SHISA9: variants seen among roughly 807,000 people sequenced by gnomAD.
The protein encoded by SHISA9 is protein shisa-9.
SHISA9 carries 13 observed loss-of-function variants against 38.0 expected under a neutral mutation model. The observed-to-expected ratio is 0.34, with a 90% CI of 0.22 to 0.54. The LOEUF is 0.54. Among genes scored for constraint, SHISA9 ranks in the 20% least tolerant of loss-of-function variants. The probability of loss-of-function intolerance (pLI) is 0.91; values close to 1 mark genes in which losing one functional copy is unlikely to be tolerated. For missense variants in SHISA9, 538 were observed against 575.8 expected, an observed-to-expected ratio of 0.93 and a Z score of 0.67; for synonymous variants, 275 against 242.0, an observed-to-expected ratio of 1.14 and a Z score of -1.27.
chr16:13,500,454 C>A, the SHISA9 span, among the ~76,000 whole-genome samples: 5 of 152,064 alleles, frequency 3.3e-5, no homozygotes, highest in East Asian at 1.9e-4. Flanking sequence ...GAAGAACCAG[C>A]GTAAAGTTTC....
the SHISA9 span, among the ~76,000 whole-genome samples, chr16:13,271,159 G>T: frequency 2.0e-5 from 3 of 152,158 alleles, no homozygotes; most frequent in Non-Finnish European, 4.4e-5. Flanking sequence ...TCACATTTGG[G>T]CAACTTTGAC....
the SHISA9 span, among the ~76,000 whole-genome samples, chr16:13,344,956 C>T: frequency 6.6e-6 from 1 of 152,038 alleles, no homozygotes; most frequent in Admixed American, 6.6e-5. Context: ...CACTGAGTCT[C>T]CAAGGGCCTG....
At chr16:13,173,414 T>C (rs2050705215) in intron 2 of SHISA9, among the ~76,000 whole-genome samples, 1 of 149,964 alleles carries the variant, frequency 6.7e-6, no homozygotes, top group South Asian at 2.1e-4. Flanking sequence ...ACACACATTT[T>C]CCTAATTGTA....
chr16:12,964,344 A>G (rs142840967), intron 2 of SHISA9, among the ~76,000 whole-genome samples: 1,711 of 152,058 alleles, frequency 0.011, 6 homozygotes, highest in East Asian at 0.029. Context: ...TGTACAAACC[A>G]CAGGGGTGAT....
intron 2 of SHISA9, among the ~76,000 whole-genome samples, chr16:12,981,858 G>T (rs1281353307): frequency 1.3e-5 from 2 of 152,178 alleles, no homozygotes; most frequent in African/African-American, 4.8e-5. Flanking sequence ...AAAAGACTGT[G>T]TGAAGATAAT....
At chr16:13,241,872 G>C (rs894371379), downstream of SHISA9, among the ~76,000 whole-genome samples, 13 of 152,144 alleles carry the variant, frequency 8.5e-5, no homozygotes, top group African/African-American at 3.1e-4. Flanking sequence ...TGCTCTTTCA[G>C]CACTTGGAAA....
chr16:13,203,256 T>G (rs1010058584), intron 2 of SHISA9, 138 bp from the exon 3 acceptor site: 1 of 718,156 alleles, frequency 1.4e-6, no homozygotes, highest in Non-Finnish European at 2.1e-6. Context: ...CCCATGTATC[T>G]GTGAACCCTC....
At chr16:13,315,036 C>G in the SHISA9 span, among the ~76,000 whole-genome samples, 1 of 151,890 alleles carries the variant, frequency 6.6e-6, no homozygotes, top group South Asian at 2.1e-4. Flanking sequence ...GGATCCCAGT[C>G]CCGTTTGGTT....
chr16:13,512,402 T>C, the SHISA9 span, among the ~76,000 whole-genome samples: 2 of 152,122 alleles, frequency 1.3e-5, no homozygotes, highest in Non-Finnish European at 2.9e-5. Context: ...ATAGATAGAA[T>C]CAATATCGTG....
the SHISA9 span, among the ~76,000 whole-genome samples, chr16:13,389,004 C>G: frequency 6.6e-6 from 1 of 152,222 alleles, no homozygotes; most frequent in Non-Finnish European, 1.5e-5. Flanking sequence ...GTCCTATACA[C>G]GCATAGCCTC....
At chr16:12,902,677 C>G (rs1211493369) in intron 1 of SHISA9, 50 bp downstream of exon 1, 2 of 1,464,892 alleles carry the variant, frequency 1.4e-6, no homozygotes, top group East Asian at 2.5e-5. Context: ...TCTCCCTGCT[C>G]TCTCCTCCCC....
At chr16:13,384,821 G>C in the SHISA9 span, among the ~76,000 whole-genome samples, 396 of 152,208 alleles carry the variant, frequency 2.6e-3, 2 homozygotes, top group African/African-American at 9.1e-3. Context: ...AAAAGTTTGA[G>C]GGTAAATCCA....
chr16:13,001,400 C>T (rs1347830073), intron 2 of SHISA9, among the ~76,000 whole-genome samples: 26 of 152,144 alleles, frequency 1.7e-4, no homozygotes, highest in Admixed American at 1.5e-3. Flanking sequence ...CTGTTACTCC[C>T]GGTGTTTCTT....
chr16:13,231,355 G>A (rs982485817), intron 4 of SHISA9, among the ~76,000 whole-genome samples: 3 of 152,188 alleles, frequency 2.0e-5, no homozygotes, highest in African/African-American at 2.4e-5. Context: ...TTTTGATGTC[G>A]AAGGGGGAAA....
At chr16:13,337,692 A>C in the SHISA9 span, among the ~76,000 whole-genome samples, 1 of 152,116 alleles carries the variant, frequency 6.6e-6, no homozygotes, top group Non-Finnish European at 1.5e-5. Flanking sequence ...CTCAAATCTC[A>C]TGTTGAATTG....
At chr16:13,148,416 G>A (rs1348757760) in intron 2 of SHISA9, among the ~76,000 whole-genome samples, 4 of 151,552 alleles carry the variant, frequency 2.6e-5, no homozygotes, top group Admixed American at 1.3e-4. Flanking sequence ...CATATTTTTG[G>A]CCATAGACAT....
At chr16:13,090,028 C>G (rs2073757078) in intron 2 of SHISA9, among the ~76,000 whole-genome samples, 2 of 152,180 alleles carry the variant, frequency 1.3e-5, no homozygotes, top group Admixed American at 1.3e-4. Flanking sequence ...TTTCAAAGAA[C>G]ATCTTTATTT....
At chr16:13,205,854 G>A (rs369822862) in intron 3 of SHISA9, among the ~76,000 whole-genome samples, 4 of 151,872 alleles carry the variant, frequency 2.6e-5, no homozygotes, top group African/African-American at 4.8e-5. Flanking sequence ...ATCCGTCTCC[G>A]GAGTTCAAGT....
At chr16:13,241,067 C>T (rs1379743946), downstream of SHISA9, among the ~76,000 whole-genome samples, 1 of 152,170 alleles carries the variant, frequency 6.6e-6, no homozygotes, top group Admixed American at 6.5e-5. Flanking sequence ...GTGTTGAACA[C>T]ACACACAGAA....
Sources: allele counts gnomAD v4.1 joint callset (sites outside exome capture counted in the v4.1 genomes callset), GRCh38; gene constraint gnomAD v4.1.1; transcripts MANE v1.5; gene names NCBI Gene and HGNC (gene_info 2026-07-23, HGNC 2026-07-21).